EFCC1: variants seen among roughly 807,000 people sequenced by gnomAD.
EFCC1 encodes the protein EF-hand and coiled-coil domain-containing protein 1.
A neutral mutation model predicts 52.1 loss-of-function variants in EFCC1; 50 were observed. The observed-to-expected ratio is 0.96, with a 90% CI of 0.76 to 1.21. The LOEUF is 1.21. Ranked by LOEUF, EFCC1 falls within the 50% of genes most tolerant of loss-of-function variation. The probability of loss-of-function intolerance (pLI) is 0.00; values close to 1 mark genes in which losing one functional copy is unlikely to be tolerated. For synonymous variants in EFCC1, 399 were observed against 396.5 expected, an observed-to-expected ratio of 1.01 and a Z score of -0.08; for missense variants, 837 against 867.3, an observed-to-expected ratio of 0.97 and a Z score of 0.44.
At chr3:129,030,462 T>C (rs1487554760) in intron 2 of EFCC1, 1 of 350,632 alleles carries the variant, frequency 2.9e-6, no homozygotes, top group Non-Finnish European at 5.1e-6. Flanking sequence ...TTTATAAGGA[T>C]GAAAATCCGT....
chr3:129,024,396 T>C (rs1455073971), intron 2 of EFCC1, among the ~76,000 whole-genome samples: 1 of 151,982 alleles, frequency 6.6e-6, no homozygotes, highest in Non-Finnish European at 1.5e-5. Flanking sequence ...CCAGGCATGG[T>C]TGCACACACC....
Position 129,010,856 on chromosome 3 carries a change from C to T in EFCC1, c.980+6779C>T, listed in dbSNP as rs943361179. On this transcript the variant is annotated intron_variant, in intron 2 of 7. Coordinates refer to ENST00000683648, the MANE Select transcript of EFCC1 (RefSeq NM_001377500.1). The surrounding 1 kb of genome is among the most constrained non-coding windows in gnomAD (Gnocchi z 4.3). ...AGAGGCAGACCCACTCAGGCACCCA[C>T]TGCATGCCCCAGGCCCTCAGGATGC... 5.3e-5 allele frequency among the ~76,000 whole-genome samples: 8 copies of T among 152,204 alleles called. No individual in the cohort carries two copies. Among genetic ancestry groups the T allele is most frequent in the African/African-American group, 1.9e-4 (8 of 41,434 alleles).
Position 129,001,495 on chromosome 3 carries a change from CG to C in EFCC1, c.-132del. 1 of 1,278,504 alleles carries C rather than the reference CG, an allele frequency of 7.8e-7. No individual in the cohort carries two copies. The highest frequency in any genetic ancestry group is 1.0e-6 in the Non-Finnish European group (1 of 1,003,384). The allele number at this position is 1,278,504 out of a possible 1,614,324, so 79.2% of individuals were successfully genotyped here. On this transcript the variant is annotated 5_prime_UTR_variant, in exon 1 of 8. Transcript: ENST00000683648. ...GTGAGGCCAGCGCAGCTGCTGGACACGGTCCCCGGCGCCGCTCCAACCAGAC... is the reference window on the plus strand; with the variant it reads ...GTGAGGCCAGCGCAGCTGCTGGACACGTCCCCGGCGCCGCTCCAACCAGAC...
chr3:129,029,372 T>C (rs1165031796), intron 2 of EFCC1, among the ~76,000 whole-genome samples: 1 of 152,062 alleles, frequency 6.6e-6, no homozygotes, highest in East Asian at 1.9e-4. Context: ...TGGGGTGTAA[T>C]GTAGGTTCCC....
At position 129,001,796 on chromosome 3, in the gene EFCC1, CCA is replaced by C; in HGVS notation, c.169_170del (p.Gln57ValfsTer45). Reference sequence around the variant, plus strand: ...TCGTGGTGCTGGCCACCGGCCTGGACCAGTACCTGCAGGAGGTCTTCCACCAC... The same window carrying C: ...TCGTGGTGCTGGCCACCGGCCTGGACGTACCTGCAGGAGGTCTTCCACCAC... ...EIVVLATGLD[Q>X]YLQEVFHHLD... is the part of the protein sequence containing the mutation. On this transcript the variant is annotated frameshift_variant, in exon 1 of 8. Transcript: ENST00000683648. LOFTEE classifies it high-confidence loss of function. 1 of 1,544,992 alleles carries C rather than the reference CCA, an allele frequency of 6.5e-7. No homozygotes were observed. Among genetic ancestry groups the C allele is most frequent in the South Asian group, 1.2e-5 (1 of 83,636 alleles).
chr3:129,021,327 T>C (rs1190482984), intron 2 of EFCC1, among the ~76,000 whole-genome samples: 5 of 152,160 alleles, frequency 3.3e-5, no homozygotes, highest in Admixed American at 6.5e-5. Context: ...GCTGTGTGAG[T>C]TGAGGGAAGG....
chr3:129,006,161 T>G (rs1237890624), intron 2 of EFCC1, among the ~76,000 whole-genome samples: 1 of 152,196 alleles, frequency 6.6e-6, no homozygotes, highest in African/African-American at 2.4e-5. Flanking sequence ...AGTAGGAAAG[T>G]CAAATCAGCC....
At chr3:129,035,944 T>G (rs6771450) in intron 5 of EFCC1, among the ~76,000 whole-genome samples, 70,091 of 152,098 alleles carry the variant, frequency 0.46, 16,321 homozygotes, top group East Asian at 0.63. Flanking sequence ...TCAGCAAACA[T>G]GCGCCACGGC....
At chr3:129,015,735 CA>C (rs1360687734) in intron 2 of EFCC1, among the ~76,000 whole-genome samples, 38 of 152,010 alleles carry the variant, frequency 2.5e-4, no homozygotes, top group Non-Finnish European at 4.1e-4. Context: ...ACTGTCCCCC[CA>C]CCCCTTGTGA....
At chr3:129,028,277 T>C (rs1408668999) in intron 2 of EFCC1, among the ~76,000 whole-genome samples, 3 of 151,938 alleles carry the variant, frequency 2.0e-5, no homozygotes, top group African/African-American at 7.3e-5. Context: ...AGAGATGTGG[T>C]GTCACCATGT....
At chr3:129,009,769 T>C (rs1262821689) in intron 2 of EFCC1, among the ~76,000 whole-genome samples, 1 of 152,194 alleles carries the variant, frequency 6.6e-6, no homozygotes, top group Non-Finnish European at 1.5e-5. Context: ...GACTGTGAAC[T>C]CTGAAGCCCC....
chr3:129,006,772 C>G (rs143626301), intron 2 of EFCC1, among the ~76,000 whole-genome samples: 1 of 152,324 alleles, frequency 6.6e-6, no homozygotes, highest in East Asian at 1.9e-4. Context: ...ACTAATTTCT[C>G]TGCCCCTCTA....
chr3:129,029,487 GTGCTT>G, intron 2 of EFCC1, among the ~76,000 whole-genome samples: 4 of 152,282 alleles, frequency 2.6e-5, no homozygotes, highest in African/African-American at 9.6e-5. Context: ...TGAAATCCCA[GTGCTT>G]TTGGAGGCCA....
At chr3:129,033,878 C>T (rs1268600977) in intron 4 of EFCC1, among the ~76,000 whole-genome samples, 3 of 152,234 alleles carry the variant, frequency 2.0e-5, no homozygotes, top group Non-Finnish European at 2.9e-5. Flanking sequence ...AGTGCAGAGG[C>T]CCTGAGGCAT....
At position 129,001,779 on chromosome 3, in the gene EFCC1, C is replaced by T; in HGVS notation, c.151C>T (p.Leu51=). Reference sequence around the variant, plus strand: ...CGGCGTGGAGAACGAGATCGTGGTGCTGGCCACCGGCCTGGACCAGTACCT... The same window carrying T: ...CGGCGTGGAGAACGAGATCGTGGTGTTGGCCACCGGCCTGGACCAGTACCT... ...DRGVENEIVV[L]ATGLDQYLQE... The change falls in exon 1 of 8, where the codon CTG becomes TTG. Residue 51 remains leucine (L), a synonymous_variant. Coordinates refer to ENST00000683648, the MANE Select transcript of EFCC1 (RefSeq NM_001377500.1). The T allele has an allele frequency of 6.5e-7, 1 of 1,543,320 alleles. No homozygotes were observed. Among genetic ancestry groups the T allele is most frequent in the Non-Finnish European group, 8.7e-7 (1 of 1,145,406 alleles).
chr3:129,005,294 C>T (rs1249403728), intron 2 of EFCC1, among the ~76,000 whole-genome samples: 2 of 152,180 alleles, frequency 1.3e-5, no homozygotes, highest in Non-Finnish European at 2.9e-5. Context: ...TAGGATGTTA[C>T]CGGGCCAGAT....
rs541157948 is a variant in EFCC1, at chr3:129,002,068, C to T, written c.440C>T (p.Ala147Val). The T allele has an allele frequency of 6.5e-5, 100 of 1,537,582 alleles. 3 individuals are homozygous for T. In the South Asian group the frequency reaches 1.2e-3, roughly 18 times the overall value. Residue 147 changes from alanine to valine, a missense_variant, in exon 1 of 8, where the codon GCG becomes GTG. Coordinates refer to ENST00000683648, the MANE Select transcript of EFCC1 (RefSeq NM_001377500.1). The stretch of plus-strand genomic sequence containing the variant: ...GAGCTCACCTTCCGCCAGTTCCACG[C>T]GCGCCTCTGTGGCTACTTCGGCACC... The part of the protein sequence containing the change: ...PPELTFRQFH[A>V]RLCGYFGTRA...
Position 129,002,253 on chromosome 3 carries a change from A to T in EFCC1, c.625A>T (p.Ser209Cys), listed in dbSNP as rs1267724547. ...RVARLEEENS[S>C]LRELVEDLRA... ...TGCGCGGCTGGAGGAGGAGAATAGC[A>T]GCTTGCGCGAGTTGGTGGAGGACCT... Residue 209 changes from serine to cysteine, a missense_variant, in exon 1 of 8, where the codon AGC (serine) becomes TGC (cysteine). Physicochemically the swap from Ser to Cys is moderately radical, Grantham distance 112. Transcript: ENST00000683648. 1 of 1,530,984 alleles carries T rather than the reference A, an allele frequency of 6.5e-7. No homozygotes were observed. Among genetic ancestry groups the T allele is most frequent in the African/African-American group, 1.4e-5 (1 of 71,708 alleles). 94.8% of individuals were successfully genotyped at this position (1,530,984 alleles called of 1,614,324 possible).
intron 2 of EFCC1, among the ~76,000 whole-genome samples, chr3:129,005,133 G>A (rs2107859292): frequency 6.6e-6 from 1 of 152,348 alleles, no homozygotes; most frequent in Non-Finnish European, 1.5e-5. Flanking sequence ...CAGGCATCAG[G>A]GATGTGACCA....
Sources: allele counts gnomAD v4.1 joint callset (sites outside exome capture counted in the v4.1 genomes callset), GRCh38; gene constraint gnomAD v4.1.1; non-coding constraint Gnocchi (gnomAD v3.1); transcripts MANE v1.5; gene names NCBI Gene and HGNC (gene_info 2026-07-23, HGNC 2026-07-21).